FAM219B: variants seen among roughly 807,000 people sequenced by gnomAD.
FAM219B encodes protein FAM219B.
FAM219B carries 18 observed loss-of-function variants against 19.9 expected under a neutral mutation model. The observed-to-expected ratio is 0.91, with a 90% CI of 0.63 to 1.34. FAM219B has a LOEUF of 1.34. FAM219B is among the 40% of genes most tolerant of loss of function. The pLI is 0.00. For missense variants in FAM219B, 283 were observed against 270.5 expected (o/e 1.05, Z -0.32); for synonymous variants, 123 against 117.5 (o/e 1.05, Z -0.30).
At chr15:74,904,620 C>T in intron 4 of FAM219B, 44 bp downstream of exon 4, 1 of 1,610,884 alleles carries the variant, frequency 6.2e-7, no homozygotes, top group Non-Finnish European at 8.5e-7. Context: ...GGTGGTAATG[C>T]TGCCTGCAGC....
chr15:74,902,631 A>T lies in FAM219B; in HGVS notation c.585T>A (p.Cys195Ter), dbSNP rs967493746. The T allele has an allele frequency of 3.1e-6, 5 of 1,610,250 alleles. No individual in the cohort carries two copies. In the African/African-American group the frequency reaches 5.3e-5, roughly 17 times the overall value. ...CWCCLGDSSS[C>*]TLQ ...TGGAGGGTAATGTCTACTGGAGGGTACAGGAAGAAGAGTCCCCAAGACAGC... is the reference window on the plus strand; with the variant it reads ...TGGAGGGTAATGTCTACTGGAGGGTTCAGGAAGAAGAGTCCCCAAGACAGC... Residue 195 changes from cysteine (C) to a stop codon, truncating the protein, a stop_gained, in exon 5 of 5, where the codon TGT becomes TGA. Transcript: ENST00000357635. LOFTEE classifies it high-confidence loss of function.
At chr15:74,903,169 T>C (rs137921269) in intron 4 of FAM219B, among the ~76,000 whole-genome samples, 1,894 of 152,266 alleles carry the variant, frequency 0.012, 30 homozygotes, top group Middle Eastern at 0.054. Flanking sequence ...GCTAGCGTAG[T>C]AGAGCATGGG....
At position 74,905,250 on chromosome 15, in the gene FAM219B, G is replaced by A. The variant is rs758863248; in HGVS notation, c.303-19C>T. The stretch of plus-strand genomic sequence containing the variant: ...CACTGACCTGAGGGGAGACGGGGGA[G>A]AAGAGACCAAACATAGATGAAAGCA... On this transcript the variant is annotated intron_variant, in intron 2 of 4. Coordinates refer to ENST00000357635, the MANE Select transcript of FAM219B (RefSeq NM_020447.5). 2 of 1,611,794 alleles carry A rather than the reference G, an allele frequency of 1.2e-6. No individual in the cohort carries two copies. The highest frequency in any genetic ancestry group is 2.2e-5 in the South Asian group (2 of 91,004).
intron 4 of FAM219B, among the ~76,000 whole-genome samples, chr15:74,903,263 T>C (rs2065039534): frequency 6.6e-6 from 1 of 152,128 alleles, no homozygotes. Context: ...GGTGGGTTCC[T>C]GCAAAGTGGA....
In FAM219B at chr15:74,902,320, A is replaced by C. The variant is rs559254225; in HGVS notation, c.*299T>G. ...GACAAATACCAATCAAGCTGTCTGCAAGTGTTTTCCTTAGCCACCTTTGTC... is the reference window on the plus strand; with the variant it reads ...GACAAATACCAATCAAGCTGTCTGCCAGTGTTTTCCTTAGCCACCTTTGTC... On this transcript the variant is annotated 3_prime_UTR_variant, in exon 5 of 5. Coordinates refer to ENST00000357635, the MANE Select transcript of FAM219B (RefSeq NM_020447.5). The C allele has an allele frequency of 2.5e-6, 1 of 404,420 alleles. No homozygotes were observed. Among genetic ancestry groups the C allele is most frequent in the African/African-American group, 2.0e-5 (1 of 48,860 alleles). The allele number at this position is 404,420 out of a possible 1,614,324, so 25.1% of individuals were successfully genotyped here. A position where few individuals can be genotyped will look rare whatever the true frequency, so the allele number is the denominator to read the frequency against.
chr15:74,899,879 C>A (rs890331444), downstream of FAM219B: 2 of 152,218 alleles, frequency 1.3e-5, no homozygotes, highest in Admixed American at 1.3e-4. Context: ...GTCTCAAACT[C>A]CTGACCTTGT....
At position 74,902,545 on chromosome 15, in the gene FAM219B, C is replaced by T; in HGVS notation, c.*74G>A. 1 of 1,451,600 alleles carries T rather than the reference C, an allele frequency of 6.9e-7. No individual in the cohort carries two copies. The highest frequency in any genetic ancestry group is 9.3e-7 in the Non-Finnish European group (1 of 1,078,266). 89.9% of individuals were successfully genotyped at this position (1,451,600 alleles called of 1,614,324 possible). A position where few individuals can be genotyped will look rare whatever the true frequency, so the allele number is the denominator to read the frequency against. On this transcript the variant is annotated 3_prime_UTR_variant, in exon 5 of 5. Coordinates refer to ENST00000357635, the MANE Select transcript of FAM219B (RefSeq NM_020447.5). ...GTCAGTGACTTCAGTGCTCACTGCA[C>T]TGTGTGAGCTATGAGTGGCCAACAG...
rs2064972215 is a variant in FAM219B, at chr15:74,901,834, C to G, written c.*785G>C. The G allele has an allele frequency of 3.0e-6, 1 of 333,132 alleles. No individual in the cohort carries two copies. The highest frequency in any genetic ancestry group is 4.8e-5 in the Admixed American group (1 of 20,646). 20.6% of individuals were successfully genotyped at this position (333,132 alleles called of 1,614,324 possible). A position where few individuals can be genotyped will look rare whatever the true frequency, so the allele number is the denominator to read the frequency against. ...AGTACCTTCGACCTAATCTTTAGCT[C>G]AAAGACTGGGTGAAGAAACTCACCC... On this transcript the variant is annotated 3_prime_UTR_variant, in exon 5 of 5. Transcript: ENST00000357635.
downstream of FAM219B, chr15:74,898,450 C>G (rs1257943167): frequency 6.2e-6 from 1 of 162,314 alleles, no homozygotes; most frequent in East Asian, 1.7e-4. Context: ...TTGGGTCTGC[C>G]CAGAGGCACA....
At position 74,906,053 on chromosome 15, in the gene FAM219B, G is replaced by A. The variant is rs2065174052; in HGVS notation, c.302+225C>T. The A allele has an allele frequency of 7.2e-6, 4 of 552,296 alleles. No individual in the cohort carries two copies. In the South Asian group the frequency reaches 8.9e-5, roughly 12 times the overall value. The allele number at this position is 552,296 out of a possible 1,614,324, so 34.2% of individuals were successfully genotyped here. A position where few individuals can be genotyped will look rare whatever the true frequency, so the allele number is the denominator to read the frequency against. ...GAGGAGAATGATAGTGAATGAGCCT[G>A]TGCACTCACAGAACTCCCTTATTCC... On this transcript the variant is annotated intron_variant, in intron 2 of 4. Transcript: ENST00000357635.
intron 2 of FAM219B, 103 bp downstream of exon 2, chr15:74,906,175 G>T: frequency 8.5e-7 from 1 of 1,179,676 alleles, no homozygotes; most frequent in Non-Finnish European, 1.2e-6. Context: ...TTGCATCAGG[G>T]GAATCGCTAG....
At position 74,906,702 on chromosome 15, in the gene FAM219B, T is replaced by G. The variant is rs145289460; in HGVS notation, c.99A>C (p.Pro33=). ...CTCTATTACCGATCTGCCCGGAGGG[T>G]GGCCCCGCAGCTCCCGGCGCGCGGT... is the stretch of plus-strand genomic sequence containing the variant. The part of the protein sequence containing the change: ...ARDRAPGAAG[P]PSGQIGNRAL... Residue 33 remains proline, a synonymous_variant, in exon 1 of 5, where the codon CCA becomes CCC. Coordinates refer to ENST00000357635, the MANE Select transcript of FAM219B (RefSeq NM_020447.5). 8.6e-3 allele frequency: 12,069 copies of G among 1,411,528 alleles called. 88 individuals are homozygous for G. The highest frequency in any genetic ancestry group is 9.3e-3 in the Admixed American group (311 of 33,304). 87.4% of individuals were successfully genotyped at this position (1,411,528 alleles called of 1,614,324 possible).
Position 74,901,781 on chromosome 15 carries a change from A to T in FAM219B, c.*838T>A, listed in dbSNP as rs150269522. ...GTAGCTCCCTCTGCTGGTAATAATAAAAACTGCAGGCTTCTGGGGCCAGCC... is the reference window on the plus strand; with the variant it reads ...GTAGCTCCCTCTGCTGGTAATAATATAAACTGCAGGCTTCTGGGGCCAGCC... On this transcript the variant is annotated 3_prime_UTR_variant, in exon 5 of 5. Transcript: ENST00000357635. The T allele has an allele frequency of 1.1e-3, 274 of 251,826 alleles. 5 individuals are homozygous for T. The highest frequency in any genetic ancestry group is 1.0e-3 in the Non-Finnish European group (138 of 134,044). 15.6% of individuals were successfully genotyped at this position (251,826 alleles called of 1,614,324 possible).
At chr15:74,903,494 G>A (rs933956912) in intron 4 of FAM219B, among the ~76,000 whole-genome samples, 5 of 151,004 alleles carry the variant, frequency 3.3e-5, no homozygotes, top group Admixed American at 6.6e-5. Context: ...CCAGCTACTC[G>A]GGAGGCTGAG....
chr15:74,905,440 T>C (rs2065147645), intron 2 of FAM219B: 1 of 472,442 alleles, frequency 2.1e-6, no homozygotes, highest in Non-Finnish European at 3.9e-6. Flanking sequence ...TTTCTTTTTT[T>C]GGAGACAGAG....
intron 2 of FAM219B, 69 bp downstream of exon 2, chr15:74,906,209 T>A: frequency 6.5e-7 from 1 of 1,542,634 alleles, no homozygotes; most frequent in South Asian, 1.2e-5. Flanking sequence ...CAGAGCACCC[T>A]GCCTCCGTCC....
downstream of FAM219B, chr15:74,899,489 A>G (rs1370925474): frequency 6.6e-6 from 1 of 152,190 alleles, no homozygotes; most frequent in African/African-American, 2.4e-5. Flanking sequence ...GCAAGAGCCT[A>G]TTTCACTCAT....
In FAM219B at chr15:74,901,952, G is replaced by A. The variant is rs778319352; in HGVS notation, c.*667C>T. The A allele has an allele frequency of 1.3e-5, 5 of 396,358 alleles. No individual in the cohort carries two copies. Among genetic ancestry groups the A allele is most frequent in the Admixed American group, 4.4e-5 (1 of 22,646 alleles). 24.6% of individuals were successfully genotyped at this position (396,358 alleles called of 1,614,324 possible). ...CAAACCAGAATCACTAAACTCACCCGGACGGTTGGACCAGTTGGGGATGCC... is the reference window on the plus strand; with the variant it reads ...CAAACCAGAATCACTAAACTCACCCAGACGGTTGGACCAGTTGGGGATGCC... On this transcript the variant is annotated 3_prime_UTR_variant, in exon 5 of 5. Transcript: ENST00000357635.
Position 74,902,604 on chromosome 15 carries a change from C to T in FAM219B, c.*15G>A. On this transcript the variant is annotated 3_prime_UTR_variant, in exon 5 of 5. Coordinates refer to ENST00000357635, the MANE Select transcript of FAM219B (RefSeq NM_020447.5). Reference sequence around the variant, plus strand: ...AGGCCTCATGGTGAGCAGGGCCCACCTTGGAGGGTAATGTCTACTGGAGGG... The same window carrying T: ...AGGCCTCATGGTGAGCAGGGCCCACTTTGGAGGGTAATGTCTACTGGAGGG... 1.9e-6 allele frequency: 3 copies of T among 1,591,112 alleles called. No homozygotes were observed. In the South Asian group the frequency reaches 3.5e-5, roughly 18 times the overall value.
Sources: gnomAD v4.1 joint callset for allele counts (sites outside exome capture counted in the v4.1 genomes callset) on GRCh38, gnomAD v4.1.1 for gene constraint, MANE v1.5 for transcripts, NCBI Gene and HGNC (gene_info 2026-07-23, HGNC 2026-07-21) for gene names.